Variants in SEZ6L observed in about 807,000 individuals in gnomAD.
SEZ6L encodes the protein seizure 6-like protein.
A neutral mutation model predicts 106.2 loss-of-function variants in SEZ6L; 37 were observed. That is an observed-to-expected ratio of 0.35 (90% CI 0.27 to 0.46). The LOEUF (loss-of-function observed/expected upper bound fraction) is 0.46. Among genes scored for constraint, SEZ6L ranks in the 20% least tolerant of loss-of-function variants. The pLI is 1.00. For synonymous variants in SEZ6L, 541 were observed against 570.4 expected, an observed-to-expected ratio of 0.95 and a Z score of 0.73; for missense variants, 1,172 against 1,332.8, an observed-to-expected ratio of 0.88 and a Z score of 1.88.
intron 9 of SEZ6L, among the ~76,000 whole-genome samples, chr22:26,320,407 G>A (rs182125864): frequency 6.0e-4 from 92 of 152,344 alleles, no homozygotes; most frequent in African/African-American, 2.0e-3. Context: ...CACGACTTGC[G>A]TTAGGACAAG....
chr22:26,261,378 G>C (rs1383091035), intron 1 of SEZ6L, among the ~76,000 whole-genome samples: 1 of 152,210 alleles, frequency 6.6e-6, no homozygotes, highest in Non-Finnish European at 1.5e-5. Flanking sequence ...TTAGATTTAA[G>C]TCCTTGATCA....
chr22:26,348,825 AAGGGG>A (rs2083172760), intron 11 of SEZ6L, among the ~76,000 whole-genome samples: 1 of 7,054 alleles, frequency 1.4e-4, no homozygotes. Flanking sequence ...GAAGAGAGGG[AAGGGG>A]GGAGGGAAGG....
intron 1 of SEZ6L, among the ~76,000 whole-genome samples, chr22:26,182,908 T>G (rs1022183600): frequency 6.6e-6 from 1 of 152,136 alleles, no homozygotes; most frequent in African/African-American, 2.4e-5. Flanking sequence ...GTGGCCTGTC[T>G]GCCGGGAGCC....
intron 1 of SEZ6L, among the ~76,000 whole-genome samples, chr22:26,286,029 C>T (rs921791754): frequency 6.6e-5 from 10 of 152,180 alleles, no homozygotes; most frequent in South Asian, 4.1e-4. Flanking sequence ...GCAGGTTGGG[C>T]GAGTCTTTAT....
At chr22:26,216,858 G>A (rs558437926) in intron 1 of SEZ6L, among the ~76,000 whole-genome samples, 16 of 152,182 alleles carry the variant, frequency 1.1e-4, no homozygotes, top group African/African-American at 3.9e-4. Context: ...TCCCCAGTTT[G>A]CATATGGAAA....
In SEZ6L at chr22:26,315,115, C is replaced by T. The variant is rs551103455; in HGVS notation, c.2015+1213C>T. Among the ~76,000 whole-genome samples the T allele has an allele frequency of 1.2e-4, 19 of 152,300 alleles. No homozygotes were observed. In the South Asian group the frequency reaches 3.7e-3, roughly 30 times the overall value. ...ACAGTTCTCTGGCTCTACAGAGGAA[C>T]CTTGCAAGAGAAAGAGAAATTATTT... On this transcript the variant is annotated intron_variant, in intron 9 of 16. Coordinates refer to ENST00000248933, the MANE Select transcript of SEZ6L (RefSeq NM_021115.5).
chr22:26,270,720 G>T (rs969617863), intron 1 of SEZ6L, among the ~76,000 whole-genome samples: 1 of 152,144 alleles, frequency 6.6e-6, no homozygotes, highest in Non-Finnish European at 1.5e-5. Flanking sequence ...GAACAGTGGA[G>T]GAGGCATTGC....
At chr22:26,260,321 T>C (rs1023085205) in intron 1 of SEZ6L, among the ~76,000 whole-genome samples, 2 of 152,300 alleles carry the variant, frequency 1.3e-5, no homozygotes, top group Non-Finnish European at 1.5e-5. Context: ...CTGAAGTCTA[T>C]GGTATCATTC....
intron 1 of SEZ6L, among the ~76,000 whole-genome samples, chr22:26,205,520 T>C (rs1389492217): frequency 6.6e-6 from 1 of 152,204 alleles, no homozygotes; most frequent in East Asian, 1.9e-4. Context: ...CCTGTAACTC[T>C]TTTATCCCTA....
intron 1 of SEZ6L, among the ~76,000 whole-genome samples, chr22:26,281,285 C>T (rs1225124414): frequency 6.6e-6 from 1 of 152,152 alleles, no homozygotes; most frequent in Non-Finnish European, 1.5e-5. Context: ...CTATGAGACC[C>T]TGTAGATAGT....
At chr22:26,182,373 TC>T (rs1189718660) in intron 1 of SEZ6L, among the ~76,000 whole-genome samples, 1 of 152,202 alleles carries the variant, frequency 6.6e-6, no homozygotes, top group Admixed American at 6.5e-5. Flanking sequence ...TGACTCTGCA[TC>T]CCAGCTTTAT....
chr22:26,338,474 T>G (rs1194939008), intron 9 of SEZ6L, among the ~76,000 whole-genome samples: 1 of 152,226 alleles, frequency 6.6e-6, no homozygotes, highest in Non-Finnish European at 1.5e-5. Flanking sequence ...CATAGCTCAC[T>G]GTAGCCTCAA....
chr22:26,283,606 A>C (rs1569442641), intron 1 of SEZ6L, among the ~76,000 whole-genome samples: 1 of 152,266 alleles, frequency 6.6e-6, no homozygotes, highest in Admixed American at 6.5e-5. Context: ...GATAATTCCT[A>C]TGGTATGACA....
At chr22:26,293,243 C>T (rs2081196728) in intron 2 of SEZ6L, 97 bp downstream of exon 2, 1 of 1,418,780 alleles carries the variant, frequency 7.0e-7, no homozygotes, top group Non-Finnish European at 9.2e-7. Flanking sequence ...GAAGCCCCGG[C>T]CCCACCATCA....
At chr22:26,194,109 G>A (rs1450976228) in intron 1 of SEZ6L, among the ~76,000 whole-genome samples, 2 of 152,170 alleles carry the variant, frequency 1.3e-5, no homozygotes, top group Non-Finnish European at 2.9e-5. Context: ...ATGTAAAGAT[G>A]AGAGAGAAAG....
intron 9 of SEZ6L, among the ~76,000 whole-genome samples, chr22:26,335,506 A>T (rs1429579253): frequency 6.6e-6 from 1 of 151,986 alleles, no homozygotes; most frequent in African/African-American, 2.4e-5. Flanking sequence ...TATAGAATAT[A>T]TAGAATGCTG....
intron 1 of SEZ6L, among the ~76,000 whole-genome samples, chr22:26,240,282 T>C (rs1435060403): frequency 6.6e-6 from 1 of 152,056 alleles, no homozygotes; most frequent in East Asian, 1.9e-4. Context: ...CCCCTCCTCT[T>C]TGATGGAAGG....
At chr22:26,314,061 G>A (rs920576087) in intron 9 of SEZ6L, among the ~76,000 whole-genome samples, 159 bp downstream of exon 9, 1 of 147,612 alleles carries the variant, frequency 6.8e-6, no homozygotes, top group Non-Finnish European at 1.5e-5. Context: ...ACCAAGAACA[G>A]CATCACAAAT....
rs768693678 is a variant in SEZ6L at position 26,296,903 on chromosome 22, C to T, written c.985C>T (p.Leu329=). 30 of 1,608,836 alleles carry T rather than the reference C, an allele frequency of 1.9e-5. No individual in the cohort carries two copies. The East Asian group carries it at 6.0e-4, about 32-fold the overall frequency. Reference sequence around the variant, plus strand: ...CTGTTCCCAGGTGAAGAGTGTGAACCTGTCCGATGGGGAACTGCTCTCCAT... The same window carrying T: ...CTGTTCCCAGGTGAAGAGTGTGAACTTGTCCGATGGGGAACTGCTCTCCAT... The part of the protein sequence containing the change: ...GVELQVKSVN[L]SDGELLSIRG... Residue 329 remains leucine (L), a synonymous_variant, in exon 4 of 17, where the codon CTG becomes TTG. Coordinates refer to ENST00000248933, the MANE Select transcript of SEZ6L (RefSeq NM_021115.5).
Sources: gnomAD v4.1 joint callset for allele counts (sites outside exome capture counted in the v4.1 genomes callset) on GRCh38, gnomAD v4.1.1 for gene constraint, MANE v1.5 for transcripts, NCBI Gene and HGNC (gene_info 2026-07-23, HGNC 2026-07-21) for gene names.